DLG2: variants seen among roughly 807,000 people sequenced by gnomAD.
DLG2 encodes disks large homolog 2.
Under a neutral mutation model 132.5 loss-of-function variants are expected in DLG2, and 45 were observed. That is an observed-to-expected ratio of 0.34 (90% CI 0.27 to 0.44). The LOEUF (loss-of-function observed/expected upper bound fraction) is 0.44, where lower values mean the gene tolerates loss of function less well. DLG2 is among the 20% of genes least tolerant of loss of function. DLG2 has a pLI of 1.00. For missense variants in DLG2, 1,045 were observed against 1,196.9 expected (o/e 0.87, Z 1.87); for synonymous variants, 424 against 419.6 (o/e 1.01, Z -0.13).
intron 3 of DLG2, among the ~76,000 whole-genome samples, chr11:85,354,153 A>T (rs2083510252): frequency 6.6e-6 from 1 of 152,116 alleles, no homozygotes; most frequent in South Asian, 2.1e-4. Context: ...TCCACAAAAT[A>T]AAGGAGATAA....
chr11:84,780,997 CAAA>C (rs372443245), intron 6 of DLG2, among the ~76,000 whole-genome samples: 4 of 93,952 alleles, frequency 4.3e-5, no homozygotes, highest in Non-Finnish European at 4.2e-5. Flanking sequence ...CAGGATTGTA[CAAA>C]AAAAAAAAAA....
chr11:85,553,991 G>A (rs779636448), intron 3 of DLG2, among the ~76,000 whole-genome samples: 11 of 151,258 alleles, frequency 7.3e-5, no homozygotes, highest in Admixed American at 2.0e-4. Context: ...TATGTGGGTC[G>A]CAGATAAAGT....
chr11:84,438,388 T>A (rs988464033), intron 7 of DLG2, among the ~76,000 whole-genome samples: 3 of 152,142 alleles, frequency 2.0e-5, no homozygotes, highest in African/African-American at 4.8e-5. Context: ...ACAGGACGAT[T>A]TTTTGACATA....
At chr11:84,828,490 A>C (rs1182857752) in intron 6 of DLG2, among the ~76,000 whole-genome samples, 1 of 151,840 alleles carries the variant, frequency 6.6e-6, no homozygotes, top group Non-Finnish European at 1.5e-5. Context: ...GATAAATAGC[A>C]GTAAGTAAAA....
At position 85,422,664 on chromosome 11, in the gene DLG2, T is replaced by C. The variant is rs1416702686; in HGVS notation, c.41-137299A>G. On this transcript the variant is annotated intron_variant, in intron 3 of 27. Coordinates refer to ENST00000376104, the MANE Select transcript of DLG2 (RefSeq NM_001142699.3). ...TGCCACCACATCTGGCTGATTTTTG[T>C]ATTTTTAGTAGAGATGGGGTTTTAC... Among the ~76,000 whole-genome samples the C allele has an allele frequency of 5.9e-5, 9 of 152,236 alleles. No individual in the cohort carries two copies. In the East Asian group the frequency reaches 1.7e-3, roughly 29 times the overall value.
chr11:83,737,610 T>C (rs978458339), intron 18 of DLG2, among the ~76,000 whole-genome samples: 5 of 152,218 alleles, frequency 3.3e-5, no homozygotes, highest in African/African-American at 1.2e-4. Context: ...AATAGAACTA[T>C]ATGCTTGGTC....
At chr11:84,432,422 T>G (rs540929331) in intron 7 of DLG2, among the ~76,000 whole-genome samples, 1 of 152,284 alleles carries the variant, frequency 6.6e-6, no homozygotes, top group South Asian at 2.1e-4. Context: ...CTTGAGGACA[T>G]TGGAGATCTA....
At chr11:84,998,589 A>C (rs1425836431) in intron 6 of DLG2, among the ~76,000 whole-genome samples, 1 of 152,172 alleles carries the variant, frequency 6.6e-6, no homozygotes, top group African/African-American at 2.4e-5. Flanking sequence ...CTGCATTTCT[A>C]AGTGGTGGTA....
At chr11:85,343,611 C>T (rs1465748035) in intron 3 of DLG2, among the ~76,000 whole-genome samples, 4 of 152,032 alleles carry the variant, frequency 2.6e-5, no homozygotes, top group Admixed American at 2.6e-4. Context: ...CTTATGTGTG[C>T]ACACGTTCTC....
chr11:84,617,611 C>T (rs779241496), intron 6 of DLG2, among the ~76,000 whole-genome samples: 17 of 152,068 alleles, frequency 1.1e-4, no homozygotes, highest in Admixed American at 4.6e-4. Context: ...AAAATGTAAA[C>T]GCACTCCAAT....
chr11:85,149,632 T>TAA (rs138538954), intron 5 of DLG2, among the ~76,000 whole-genome samples: 1 of 152,122 alleles, frequency 6.6e-6, no homozygotes, highest in East Asian at 1.9e-4. Context: ...CAAGCAAGTA[T>TAA]AAAAAAACAG....
chr11:84,040,091 T>C (rs1270828042), intron 11 of DLG2, among the ~76,000 whole-genome samples: 2 of 151,732 alleles, frequency 1.3e-5, no homozygotes, highest in African/African-American at 4.8e-5. Context: ...TGTAAATTTG[T>C]TTGAGTTCAT....
intron 18 of DLG2, among the ~76,000 whole-genome samples, chr11:83,700,782 G>A (rs111321144): frequency 0.012 from 1,889 of 152,048 alleles, 49 homozygotes; most frequent in African/African-American, 0.04. Context: ...TCACAAAATT[G>A]ATAATCTACA....
chr11:84,970,395 A>G (rs1174212377), intron 6 of DLG2, among the ~76,000 whole-genome samples: 2 of 152,124 alleles, frequency 1.3e-5, no homozygotes, highest in African/African-American at 4.8e-5. Context: ...GTACATTTTT[A>G]TTGGGTGTCC....
chr11:83,609,799 C>T (rs1025210554), intron 19 of DLG2, among the ~76,000 whole-genome samples: 3 of 152,116 alleles, frequency 2.0e-5, no homozygotes, highest in Non-Finnish European at 1.5e-5. Context: ...GGAGCCCTAT[C>T]GTTTTCTACT....
At chr11:84,279,688 C>T (rs1454657882) in intron 7 of DLG2, among the ~76,000 whole-genome samples, 1 of 152,148 alleles carries the variant, frequency 6.6e-6, no homozygotes, top group East Asian at 1.9e-4. Context: ...AACCATCATT[C>T]TCAGCAAACT....
At chr11:85,167,610 G>T (rs2078550020) in intron 4 of DLG2, among the ~76,000 whole-genome samples, 1 of 152,044 alleles carries the variant, frequency 6.6e-6, no homozygotes, top group Non-Finnish European at 1.5e-5. Flanking sequence ...CCTTAAGTCT[G>T]CCTAGTTTAT....
chr11:84,335,669 C>T (rs935117214), intron 7 of DLG2, among the ~76,000 whole-genome samples: 1 of 152,206 alleles, frequency 6.6e-6, no homozygotes, highest in Non-Finnish European at 1.5e-5. Flanking sequence ...AATTGATTTG[C>T]ATCTCAGCTG....
At chr11:84,963,784 T>C (rs1384446673) in intron 6 of DLG2, among the ~76,000 whole-genome samples, 1 of 152,128 alleles carries the variant, frequency 6.6e-6, no homozygotes, top group Non-Finnish European at 1.5e-5. Context: ...CTTTCCTACA[T>C]CTGAGTTGCT....
Sources: gnomAD v4.1 joint callset for allele counts (sites outside exome capture counted in the v4.1 genomes callset) on GRCh38, gnomAD v4.1.1 for gene constraint, MANE v1.5 for transcripts, NCBI Gene and HGNC (gene_info 2026-07-23, HGNC 2026-07-21) for gene names.